FLRT2: variants seen among roughly 807,000 people sequenced by gnomAD.
FLRT2 encodes fibronectin leucine rich transmembrane protein 2, also known as leucine-rich repeat transmembrane protein FLRT2.
A neutral mutation model predicts 40.0 loss-of-function variants in FLRT2; 15 were observed. That is an observed-to-expected ratio of 0.38 (90% CI 0.25 to 0.58). The LOEUF (loss-of-function observed/expected upper bound fraction) is 0.58, where lower values mean the gene tolerates loss of function less well. Among genes scored for constraint, FLRT2 ranks in the 20% least tolerant of loss-of-function variants. FLRT2 has a pLI of 0.71. For missense variants in FLRT2, 726 were observed against 840.0 expected (o/e 0.86, Z 1.68); for synonymous variants, 380 against 336.8 (o/e 1.13, Z -1.41).
chr14:85,543,389 G>A (rs917152478), intron 1 of FLRT2, among the ~76,000 whole-genome samples: 2 of 151,970 alleles, frequency 1.3e-5, no homozygotes, highest in Non-Finnish European at 2.9e-5. Flanking sequence ...AACTCCATCT[G>A]CTAGAAAAGT....
intron 1 of FLRT2, among the ~76,000 whole-genome samples, chr14:85,533,414 C>A (rs1324226361): frequency 6.6e-6 from 1 of 151,974 alleles, no homozygotes; most frequent in East Asian, 2.0e-4. Flanking sequence ...GCGAGCCCTG[C>A]GCCCGCCCCC....
At chr14:85,583,927 C>T (rs1055988951) in intron 1 of FLRT2, among the ~76,000 whole-genome samples, 38 of 150,940 alleles carry the variant, frequency 2.5e-4, no homozygotes, top group Admixed American at 2.5e-3. Context: ...GAGTTTGAAG[C>T]CAGCCTGGGC....
chr14:85,597,868 C>G (rs1040784983), intron 1 of FLRT2, among the ~76,000 whole-genome samples: 1 of 152,232 alleles, frequency 6.6e-6, no homozygotes, highest in Non-Finnish European at 1.5e-5. Context: ...AAATTGTATA[C>G]TGATAGATGT....
intron 1 of FLRT2, among the ~76,000 whole-genome samples, chr14:85,563,219 G>A (rs1890452322): frequency 1.3e-5 from 2 of 152,078 alleles, no homozygotes; most frequent in African/African-American, 2.4e-5. Context: ...TTGTTCCCAG[G>A]TAATATCACA....
Position 85,600,130 on chromosome 14 carries a change from C to T in FLRT2, c.-376-21009C>T, listed in dbSNP as rs151037602. Among the ~76,000 whole-genome samples the T allele has an allele frequency of 2.9e-3, 444 of 152,228 alleles. 2 individuals carry two copies. The highest frequency in any genetic ancestry group is 0.017 in the Middle Eastern group (5 of 294). ...GCGATGTTGTAAAAGAAGAATTGACCTCACTAATGATTCATTTGGGCGATA... is the reference window on the plus strand; with the variant it reads ...GCGATGTTGTAAAAGAAGAATTGACTTCACTAATGATTCATTTGGGCGATA... On this transcript the variant is annotated intron_variant, in intron 1 of 1. Transcript: ENST00000330753.
At chr14:85,574,423 G>C (rs1168373622) in intron 1 of FLRT2, among the ~76,000 whole-genome samples, 1 of 152,066 alleles carries the variant, frequency 6.6e-6, no homozygotes, top group Non-Finnish European at 1.5e-5. Flanking sequence ...CATAGAGCCA[G>C]GAAAATCTCA....
intron 1 of FLRT2, among the ~76,000 whole-genome samples, chr14:85,546,852 C>T (rs1431834546): frequency 4.6e-5 from 7 of 152,124 alleles, no homozygotes. Flanking sequence ...CTAAACATTC[C>T]CAATAAAGTC....
chr14:85,533,619 CGG>C (rs1888439038), intron 1 of FLRT2, among the ~76,000 whole-genome samples: 1 of 151,788 alleles, frequency 6.6e-6, no homozygotes, highest in Non-Finnish European at 1.5e-5. Flanking sequence ...GAGGGGGAGG[CGG>C]AGGAGGAGAG....
Position 85,635,135 on chromosome 14 carries a change from C to A in FLRT2, c.*11638C>A, listed in dbSNP as rs1893971454. The A allele has an allele frequency of 6.6e-6, 1 of 152,088 alleles. No homozygotes were observed. The highest frequency in any genetic ancestry group is 1.5e-5 in the Non-Finnish European group (1 of 68,004). The allele number at this position is 152,088 out of a possible 1,614,324, so 9.4% of individuals were successfully genotyped here. A position where few individuals can be genotyped will look rare whatever the true frequency, so the allele number is the denominator to read the frequency against. ...TAAACTTGATATGTTAGGGAAGCAA[C>A]CTGCATAACCATTAAAATCAGGAGC... On this transcript the variant is annotated 3_prime_UTR_variant, in exon 2 of 2. Transcript: ENST00000330753.
At chr14:85,612,155 A>G (rs936300226) in intron 1 of FLRT2, among the ~76,000 whole-genome samples, 6 of 152,092 alleles carry the variant, frequency 3.9e-5, no homozygotes, top group Admixed American at 1.3e-4. Flanking sequence ...AAAGAAAAAA[A>G]AAAACACAGT....
chr14:85,621,408 G>GTTCTGGAC lies in FLRT2; in HGVS notation c.-103_-96dup. 1 of 1,029,094 alleles carries GTTCTGGAC rather than the reference G, an allele frequency of 9.7e-7. No homozygotes were observed. Among genetic ancestry groups the GTTCTGGAC allele is most frequent in the Middle Eastern group, 2.8e-4 (1 of 3,554 alleles). The allele number at this position is 1,029,094 out of a possible 1,614,324, so 63.7% of individuals were successfully genotyped here. A position where few individuals can be genotyped will look rare whatever the true frequency, so the allele number is the denominator to read the frequency against. ...CCTCAGGACGTTCCCTCTAGCTGGA[G>GTTCTGGAC]TTCTGGACTTCAACAGAACCCCATC... On this transcript the variant is annotated 5_prime_UTR_variant, in exon 2 of 2. Coordinates refer to ENST00000330753, the MANE Select transcript of FLRT2 (RefSeq NM_013231.6).
chr14:85,537,515 A>G (rs1001216150), intron 1 of FLRT2, among the ~76,000 whole-genome samples: 37 of 152,084 alleles, frequency 2.4e-4, no homozygotes, highest in Non-Finnish European at 3.5e-4. Context: ...TTCTAAAACT[A>G]CATGTCGCGA....
At chr14:85,536,088 G>T (rs1888645615) in intron 1 of FLRT2, among the ~76,000 whole-genome samples, 2 of 151,922 alleles carry the variant, frequency 1.3e-5, no homozygotes. Flanking sequence ...GGCTTTTCCT[G>T]TATGTTAGGT....
At chr14:85,558,406 G>C (rs1351588062) in intron 1 of FLRT2, among the ~76,000 whole-genome samples, 1 of 152,130 alleles carries the variant, frequency 6.6e-6, no homozygotes, top group Non-Finnish European at 1.5e-5. Context: ...TTGGAGTCAT[G>C]GGAATGGGCA....
chr14:85,623,596 A>T lies in FLRT2; in HGVS notation c.*99A>T, dbSNP rs1437745304. The stretch of plus-strand genomic sequence containing the variant: ...ACGCAGATTACATTTGATAAATGTT[A>T]CACAGATGCATTTGTGCATTTGAAT... On this transcript the variant is annotated 3_prime_UTR_variant, in exon 2 of 2. Coordinates refer to ENST00000330753, the MANE Select transcript of FLRT2 (RefSeq NM_013231.6). The T allele has an allele frequency of 7.3e-6, 7 of 964,662 alleles. No homozygotes were observed. The highest frequency in any genetic ancestry group is 1.0e-5 in the Non-Finnish European group (7 of 697,506). 59.8% of individuals were successfully genotyped at this position (964,662 alleles called of 1,614,324 possible).
intron 1 of FLRT2, among the ~76,000 whole-genome samples, chr14:85,572,702 C>T (rs1227919937): frequency 6.6e-6 from 1 of 152,212 alleles, no homozygotes; most frequent in Non-Finnish European, 1.5e-5. Context: ...CACAGAAACA[C>T]ACATTCATGC....
intron 1 of FLRT2, among the ~76,000 whole-genome samples, chr14:85,618,288 A>C (rs1893223140): frequency 6.6e-6 from 1 of 152,122 alleles, no homozygotes; most frequent in African/African-American, 2.4e-5. Context: ...GAACTTAGAG[A>C]CCCTGGTGCT....
In FLRT2 at chr14:85,637,179, A is replaced by T. The variant is rs190113573; in HGVS notation, c.*13682A>T. On this transcript the variant is annotated 3_prime_UTR_variant, in exon 2 of 2. Coordinates refer to ENST00000330753, the MANE Select transcript of FLRT2 (RefSeq NM_013231.6). Reference sequence around the variant, plus strand: ...AATCAAGTGTAATTTATAAACTATAAAAAATTTTCATCTAGACAAAGAAGT... The same window carrying T: ...AATCAAGTGTAATTTATAAACTATATAAAATTTTCATCTAGACAAAGAAGT... 1.3e-5 allele frequency: 2 copies of T among 152,308 alleles called. No homozygotes were observed. Among genetic ancestry groups the T allele is most frequent in the African/African-American group, 4.8e-5 (2 of 41,580 alleles). 9.4% of individuals were successfully genotyped at this position (152,308 alleles called of 1,614,324 possible). A position where few individuals can be genotyped will look rare whatever the true frequency, so the allele number is the denominator to read the frequency against.
intron 1 of FLRT2, among the ~76,000 whole-genome samples, chr14:85,555,293 T>G (rs1219690625): frequency 6.6e-6 from 1 of 152,148 alleles, no homozygotes; most frequent in Non-Finnish European, 1.5e-5. Context: ...AGATCAGCAG[T>G]GTATTAGTCT....
Sources: allele counts gnomAD v4.1 joint callset (sites outside exome capture counted in the v4.1 genomes callset), GRCh38; gene constraint gnomAD v4.1.1; transcripts MANE v1.5; gene names NCBI Gene and HGNC (gene_info 2026-07-23, HGNC 2026-07-21).